Variants in FBH1 observed in about 807,000 individuals in gnomAD.
FBH1 encodes the protein F-box DNA helicase 1, also known as DNA 3'-5' helicase 1.
A neutral mutation model predicts 115.5 loss-of-function variants in FBH1; 43 were observed. The observed-to-expected ratio is 0.37, with a 90% CI of 0.29 to 0.48. The LOEUF is 0.48. Ranked by LOEUF, FBH1 falls within the 20% of genes least tolerant of loss-of-function variation. The pLI is 0.99. For missense variants in FBH1, 1,001 were observed against 1,337.3 expected (o/e 0.75, Z 3.92); for synonymous variants, 524 against 507.8 (o/e 1.03, Z -0.43).
rs186292724 is a variant in FBH1 at position 5,909,976 on chromosome 10, G to A, written c.1020+682G>A. 4.5e-4 allele frequency among the ~76,000 whole-genome samples: 68 copies of A among 152,238 alleles called. No individual in the cohort carries two copies. The highest frequency in any genetic ancestry group is 5.6e-4 in the Non-Finnish European group (38 of 68,018). The stretch of plus-strand genomic sequence containing the variant: ...GGAATGCATTCTTTAACACAGAGAC[G>A]TGTAGTAACTTAAGAATGGTAAAGG... On this transcript the variant is annotated intron_variant, in intron 5 of 20. Coordinates refer to ENST00000362091, the MANE Select transcript of FBH1 (RefSeq NM_178150.3). The surrounding 1 kb of genome is among the most constrained non-coding windows in gnomAD (Gnocchi z 4.4).
At chr10:5,919,159 T>C (rs1832161720) in intron 13 of FBH1, among the ~76,000 whole-genome samples, 1 of 152,200 alleles carries the variant, frequency 6.6e-6, no homozygotes, top group South Asian at 2.1e-4. Flanking sequence ...CTCGGAAATA[T>C]GTTTCAAAAA....
In FBH1 at chr10:5,937,201, A is replaced by C. The variant is rs139020596; in HGVS notation, c.3053A>C (p.Glu1018Ala). The C allele has an allele frequency of 7.6e-5, 122 of 1,614,026 alleles. No homozygotes were observed. The highest frequency in any genetic ancestry group is 9.9e-5 in the Non-Finnish European group (117 of 1,179,964). Residue 1018 changes from glutamate to alanine, a missense_variant, in exon 21 of 21, where the codon GAG becomes GCG. Around this residue, in one of 4 missense-constraint regions of FBH1, gnomAD observed 521 missense variants for 811.0 expected, o/e 0.64. Transcript: ENST00000362091. ...GPLAFLTASP[E>A]QVRAMERTVE... Reference sequence around the variant, plus strand: ...CTGGCGTTCCTGACAGCCTCCCCGGAGCAGGTGCGCGCCATGGAGCGCACT... The same window carrying C: ...CTGGCGTTCCTGACAGCCTCCCCGGCGCAGGTGCGCGCCATGGAGCGCACT...
At chr10:5,894,048 C>T (rs986496485) in intron 1 of FBH1, 2 of 985,408 alleles carry the variant, frequency 2.0e-6, no homozygotes, top group Non-Finnish European at 2.4e-6. Context: ...CCAAGGGAGT[C>T]ACAGGTGTCT....
intron 1 of FBH1, among the ~76,000 whole-genome samples, chr10:5,901,023 A>G (rs1168099087): frequency 6.6e-6 from 1 of 152,172 alleles, no homozygotes; most frequent in African/African-American, 2.4e-5. Flanking sequence ...CTTGAACCCA[A>G]GAGGTGAATG....
At position 5,917,348 on chromosome 10, in the gene FBH1, G is replaced by A. The variant is rs1360913884; in HGVS notation, c.1789-72G>A. ...CTGGCTCCACTGCTGTATGGGAGTTGACAGTGTGACCGCAGGGTGCTGCCT... is the reference window on the plus strand; with the variant it reads ...CTGGCTCCACTGCTGTATGGGAGTTAACAGTGTGACCGCAGGGTGCTGCCT... On this transcript the variant is annotated intron_variant, in intron 10 of 20. Transcript: ENST00000362091. The surrounding 1 kb of genome is among the most constrained non-coding windows in gnomAD (Gnocchi z 5.6). The A allele has an allele frequency of 3.1e-6, 4 of 1,279,076 alleles. No individual in the cohort carries two copies. Among genetic ancestry groups the A allele is most frequent in the African/African-American group, 1.5e-5 (1 of 68,870 alleles). The allele number at this position is 1,279,076 out of a possible 1,614,324, so 79.2% of individuals were successfully genotyped here. A position where few individuals can be genotyped will look rare whatever the true frequency, so the allele number is the denominator to read the frequency against.
In FBH1 at chr10:5,900,436, C is replaced by T. The variant is rs985241375; in HGVS notation, c.2-2584C>T. 5.9e-5 allele frequency among the ~76,000 whole-genome samples: 9 copies of T among 152,364 alleles called. No individual in the cohort carries two copies. Among genetic ancestry groups the T allele is most frequent in the African/African-American group, 1.9e-4 (8 of 41,586 alleles). The stretch of plus-strand genomic sequence containing the variant: ...GCCAGCTGAGGGTGCCAGCCCAGCC[C>T]TCCCGCCAGGCCCTCGCCGGCTCAC... On this transcript the variant is annotated intron_variant, in intron 1 of 20. Coordinates refer to ENST00000362091, the MANE Select transcript of FBH1 (RefSeq NM_178150.3). The surrounding 1 kb of genome is among the most constrained non-coding windows in gnomAD (Gnocchi z 4.2).
chr10:5,912,608 C>T (rs946102124), intron 6 of FBH1, among the ~76,000 whole-genome samples: 1 of 152,136 alleles, frequency 6.6e-6, no homozygotes, highest in Non-Finnish European at 1.5e-5. Flanking sequence ...GGCCAGGCAT[C>T]GGTGGCAAGG....
In FBH1 at chr10:5,925,025, G is replaced by A. The variant is rs1400601153; in HGVS notation, c.2597-342G>A. The stretch of plus-strand genomic sequence containing the variant: ...GATTTTCTAGTCCCAGCTCTGCCAC[G>A]TGTAATGTCAGGCAAGCTGTGCAGC... On this transcript the variant is annotated intron_variant, in intron 17 of 20. Transcript: ENST00000362091. The surrounding 1 kb of genome is among the most constrained non-coding windows in gnomAD (Gnocchi z 4.6). 1.3e-5 allele frequency among the ~76,000 whole-genome samples: 2 copies of A among 152,276 alleles called. No individual in the cohort carries two copies. Among genetic ancestry groups the A allele is most frequent in the African/African-American group, 4.8e-5 (2 of 41,556 alleles).
In FBH1 at chr10:5,921,484, T is replaced by C; in HGVS notation, c.2237T>C (p.Leu746Ser). 4.4e-6 allele frequency: 7 copies of C among 1,602,836 alleles called. No individual in the cohort carries two copies. Among genetic ancestry groups the C allele is most frequent in the Non-Finnish European group, 5.9e-6 (7 of 1,177,190 alleles). Residue 746 changes from leucine (L) to serine (S), a missense_variant, in exon 15 of 21, where the codon TTG becomes TCG. Physicochemically the swap from Leu to Ser is moderately radical, Grantham distance 145 (BLOSUM62 -2). This residue lies in a region of FBH1 where 521 missense variants were observed against 811.0 expected (regional missense o/e 0.64). Transcript: ENST00000362091. The surrounding 1 kb of genome is among the most constrained non-coding windows in gnomAD (Gnocchi z 6.4). Reference protein sequence around the residue: ...IRGDAKGQVALLSRTNANVFD... With the variant: ...IRGDAKGQVASLSRTNANVFD... The stretch of plus-strand genomic sequence containing the variant: ...GGTGACGCAAAGGGGCAAGTGGCCT[T>C]GTTGTCCCGGACCAACGCCAACGTG...
Position 5,911,139 on chromosome 10 carries a change from G to T in FBH1, c.1211+11G>T, listed in dbSNP as rs766411907. On this transcript the variant is annotated intron_variant, in intron 6 of 20. Transcript: ENST00000362091. The surrounding 1 kb of genome is among the most constrained non-coding windows in gnomAD (Gnocchi z 5.4). The stretch of plus-strand genomic sequence containing the variant: ...TAACATCAGCAATAGGTAATGCCCC[G>T]GGAGGAGGGGAGGGGATGCTGTGAT... The T allele has an allele frequency of 2.2e-5, 36 of 1,602,126 alleles. 1 individual carries two copies. The highest frequency in any genetic ancestry group is 1.7e-4 in the Middle Eastern group (1 of 6,006).
chr10:5,905,562 T>C (rs1843641500), intron 2 of FBH1, among the ~76,000 whole-genome samples: 2 of 151,982 alleles, frequency 1.3e-5, no homozygotes, highest in South Asian at 4.2e-4. Flanking sequence ...AAAATAAAAG[T>C]TTTAGCACTG....
rs748553427 is a variant in FBH1, at chr10:5,903,129, G to A, written c.111G>A (p.Pro37=). The change falls in exon 2 of 21, where the codon CCG becomes CCA. Residue 37 remains proline (P), a synonymous_variant. Coordinates refer to ENST00000362091, the MANE Select transcript of FBH1 (RefSeq NM_178150.3). The part of the protein sequence containing the change: ...PFGQRWTNRD[P]NHGLYPKPRT... ...GTCAAAGATGGACAAACAGAGATCCGAACCATGGTCTCTATCCTAAACCGA... is the reference window on the plus strand; with the variant it reads ...GTCAAAGATGGACAAACAGAGATCCAAACCATGGTCTCTATCCTAAACCGA... The A allele has an allele frequency of 1.1e-5, 17 of 1,613,472 alleles. No homozygotes were observed. In the African/African-American group the frequency reaches 1.1e-4, roughly 10 times the overall value.
rs142358767 is a variant in FBH1, at chr10:5,923,027, C to T, written c.2323-594C>T. Among the ~76,000 whole-genome samples, 344 of 152,192 alleles carry T rather than the reference C, an allele frequency of 2.3e-3. No individual in the cohort carries two copies. The highest frequency in any genetic ancestry group is 7.8e-3 in the African/African-American group (323 of 41,524). ...CCTCCTGACTAGCTGGGACCATAGG[C>T]GCCTGCCACCACACCCGGCTAATTT... On this transcript the variant is annotated intron_variant, in intron 15 of 20. Coordinates refer to ENST00000362091, the MANE Select transcript of FBH1 (RefSeq NM_178150.3). This position sits in a 1 kb window ranked among gnomAD's most constrained non-coding sequence, Gnocchi z 5.7.
chr10:5,916,179 C>A, intron 9 of FBH1, 55 bp from the exon 10 acceptor site: 1 of 1,480,910 alleles, frequency 6.8e-7, no homozygotes, highest in African/African-American at 1.4e-5. Flanking sequence ...AGGGGACGTT[C>A]AATAGCACCA....
rs1832967848 is a variant in FBH1 at position 5,931,483 on chromosome 10, A to G, written c.2829+3942A>G. ...TCACATTTAACACGAAAGGAATTTT[A>G]CTTCTTTTCTCACACTTGAATCTTT... On this transcript the variant is annotated intron_variant, in intron 19 of 20. Coordinates refer to ENST00000362091, the MANE Select transcript of FBH1 (RefSeq NM_178150.3). This position sits in a 1 kb window ranked among gnomAD's most constrained non-coding sequence, Gnocchi z 4.3. Among the ~76,000 whole-genome samples, 1 of 152,180 alleles carries G rather than the reference A, an allele frequency of 6.6e-6. No homozygotes were observed. Among genetic ancestry groups the G allele is most frequent in the Non-Finnish European group, 1.5e-5 (1 of 68,030 alleles).
Position 5,915,609 on chromosome 10 carries a change from G to C in FBH1, c.1565+38G>C. 6.3e-7 allele frequency: 1 copy of C among 1,594,604 alleles called. No homozygotes were observed. The highest frequency in any genetic ancestry group is 8.6e-7 in the Non-Finnish European group (1 of 1,165,504). On this transcript the variant is annotated intron_variant, in intron 9 of 20. Transcript: ENST00000362091. This position sits in a 1 kb window ranked among gnomAD's most constrained non-coding sequence, Gnocchi z 5.2. ...GTCACTAGTGGCACTGTTGCTGCTG[G>C]CACGGTCGCGTCTTACTGTTTTCCC...
chr10:5,926,231 C>T (rs1832646306), intron 18 of FBH1, among the ~76,000 whole-genome samples: 2 of 152,186 alleles, frequency 1.3e-5, no homozygotes, highest in Non-Finnish European at 2.9e-5. Context: ...AGTGATTCTC[C>T]TGCCTCAGAG....
Position 5,924,255 on chromosome 10 carries a change from C to A in FBH1, c.2399-56C>A. ...GCTGCTTAGGAACGTGCAGCACCTG[C>A]CACCATCTGTTAGTGGAGCTTGTGT... On this transcript the variant is annotated intron_variant, in intron 16 of 20. Coordinates refer to ENST00000362091, the MANE Select transcript of FBH1 (RefSeq NM_178150.3). This position sits in a 1 kb window ranked among gnomAD's most constrained non-coding sequence, Gnocchi z 6.2. The A allele has an allele frequency of 6.4e-7, 1 of 1,571,512 alleles. No homozygotes were observed. The highest frequency in any genetic ancestry group is 8.7e-7 in the Non-Finnish European group (1 of 1,143,808).
Position 5,918,707 on chromosome 10 carries a change from G to A in FBH1, c.2100+229G>A, listed in dbSNP as rs966577915. ...AGCTGCTGCGGCTGAACTGTGAACC[G>A]ATGGCTGCTGCCGCCTTGTACATTT... On this transcript the variant is annotated intron_variant, in intron 13 of 20. Coordinates refer to ENST00000362091, the MANE Select transcript of FBH1 (RefSeq NM_178150.3). The surrounding 1 kb of genome is among the most constrained non-coding windows in gnomAD (Gnocchi z 4.0). 2.0e-5 allele frequency among the ~76,000 whole-genome samples: 3 copies of A among 152,202 alleles called. No individual in the cohort carries two copies. Among genetic ancestry groups the A allele is most frequent in the African/African-American group, 7.2e-5 (3 of 41,446 alleles).
Sources: allele counts gnomAD v4.1 joint callset (sites outside exome capture counted in the v4.1 genomes callset), GRCh38; gene constraint gnomAD v4.1.1; regional missense constraint gnomAD v4.1.1; non-coding constraint Gnocchi (gnomAD v3.1); transcripts MANE v1.5; gene names NCBI Gene and HGNC (gene_info 2026-07-23, HGNC 2026-07-21).